DNAJC21: variants seen among roughly 807,000 people sequenced by gnomAD.
DNAJC21 encodes the protein dnaJ homolog subfamily C member 21.
Under a neutral mutation model 72.4 loss-of-function variants are expected in DNAJC21, and 63 were observed. The ratio of observed to expected loss-of-function variants is 0.87; its 90% CI spans 0.71 to 1.07. The LOEUF (loss-of-function observed/expected upper bound fraction) is 1.07, where lower values mean the gene tolerates loss of function less well. DNAJC21 is among the 50% of genes least tolerant of loss of function. The pLI, the probability that DNAJC21 is intolerant of heterozygous loss-of-function variation, is 0.00. For synonymous variants in DNAJC21, 203 were observed against 216.7 expected (o/e 0.94, Z 0.56); for missense variants, 634 against 644.8 (o/e 0.98, Z 0.18).
At chr5:34,954,304 T>C (rs1047888678) in intron 11 of DNAJC21, 8 of 489,368 alleles carry the variant, frequency 1.6e-5, no homozygotes, top group Non-Finnish European at 2.8e-5. Context: ...AAGCATAAAC[T>C]CTTCCTCTTT....
chr5:34,933,082 A>G (rs1394543635), intron 1 of DNAJC21, among the ~76,000 whole-genome samples: 99 of 152,230 alleles, frequency 6.5e-4, no homozygotes, highest in Non-Finnish European at 1.3e-4. Flanking sequence ...TAATTAGTGT[A>G]TATTTTTTAA....
At chr5:34,945,835 G>A (rs769470302) in intron 9 of DNAJC21, 32 bp downstream of exon 9, 3 of 1,494,458 alleles carry the variant, frequency 2.0e-6, no homozygotes, top group South Asian at 1.2e-5. Flanking sequence ...AACATTAAAT[G>A]CCAACGATAA....
In DNAJC21 at chr5:34,955,262, AT is replaced by A. The variant is rs2112110824; in HGVS notation, c.*551del. ...AGTGATAGGTAGAAACTAATTGAAC[AT>A]TTGGTAGTCTTTCAAGAATAGTGTC... On this transcript the variant is annotated 3_prime_UTR_variant, in exon 12 of 12. Coordinates refer to ENST00000648817, the MANE Select transcript of DNAJC21 (RefSeq NM_001012339.3). The A allele has an allele frequency of 6.6e-6, 1 of 152,314 alleles. No homozygotes were observed. The highest frequency in any genetic ancestry group is 2.4e-5 in the African/African-American group (1 of 41,574). The allele number at this position is 152,314 out of a possible 1,614,324, so 9.4% of individuals were successfully genotyped here. A position where few individuals can be genotyped will look rare whatever the true frequency, so the allele number is the denominator to read the frequency against.
intron 10 of DNAJC21, chr5:34,952,203 G>T: frequency 3.0e-6 from 3 of 985,178 alleles, no homozygotes; most frequent in Non-Finnish European, 3.6e-6. Context: ...AGATGTAACT[G>T]TCTTTCATAA....
At chr5:34,939,087 C>T in intron 6 of DNAJC21, 78 bp downstream of exon 6, 1 of 1,303,124 alleles carries the variant, frequency 7.7e-7, no homozygotes, top group Non-Finnish European at 1.0e-6. Flanking sequence ...TTGACATCTC[C>T]CAATTTTTAA....
chr5:34,935,300 T>A (rs1273398548), intron 2 of DNAJC21, among the ~76,000 whole-genome samples: 1 of 152,222 alleles, frequency 6.6e-6, no homozygotes, highest in Non-Finnish European at 1.5e-5. Flanking sequence ...CTAGATTAAG[T>A]TGACATAAAT....
rs1764517056 is a variant in DNAJC21 at position 34,929,810 on chromosome 5, C to G, written c.-10C>G. Reference sequence around the variant, plus strand: ...CGGGCCCCAGCGCCGGCCGCCCGCCCGGTCGGGCGATGAAGTGTCACTATG... The same window carrying G: ...CGGGCCCCAGCGCCGGCCGCCCGCCGGGTCGGGCGATGAAGTGTCACTATG... On this transcript the variant is annotated 5_prime_UTR_variant, in exon 1 of 12. Transcript: ENST00000648817. 1.4e-6 allele frequency: 2 copies of G among 1,438,416 alleles called. No homozygotes were observed. The highest frequency in any genetic ancestry group is 1.8e-6 in the Non-Finnish European group (2 of 1,082,776). The allele number at this position is 1,438,416 out of a possible 1,614,324, so 89.1% of individuals were successfully genotyped here.
chr5:34,954,450 T>C, intron 11 of DNAJC21, 103 bp from the exon 12 acceptor site: 1 of 1,378,744 alleles, frequency 7.3e-7, no homozygotes, highest in Non-Finnish European at 9.7e-7. Context: ...TTAAAACATC[T>C]TTATTTTACA....
Position 34,939,035 on chromosome 5 carries a change from C to G in DNAJC21, c.895+26C>G, listed in dbSNP as rs182925611. Reference sequence around the variant, plus strand: ...GTAATATTATTTTTATTTTATTTATCTTTTTTGTTTTTTAAGTGAAGCTGG... The same window carrying G: ...GTAATATTATTTTTATTTTATTTATGTTTTTTGTTTTTTAAGTGAAGCTGG... On this transcript the variant is annotated intron_variant, in intron 6 of 11. Transcript: ENST00000648817. The G allele has an allele frequency of 4.9e-4, 730 of 1,477,272 alleles. 5 individuals carry two copies. In the African/African-American group the frequency reaches 6.3e-3, roughly 13 times the overall value. 91.5% of individuals were successfully genotyped at this position (1,477,272 alleles called of 1,614,324 possible).
intron 10 of DNAJC21, chr5:34,950,761 T>C: frequency 3.0e-6 from 3 of 988,220 alleles, no homozygotes; most frequent in Non-Finnish European, 3.6e-6. Context: ...TGAGGACACA[T>C]GGCAGCAGCT....
intron 11 of DNAJC21, 98 bp downstream of exon 11, chr5:34,954,099 C>T: frequency 9.3e-7 from 1 of 1,073,290 alleles, no homozygotes; most frequent in Non-Finnish European, 1.3e-6. Flanking sequence ...AGCCATTCCG[C>T]AAAGAGCCTG....
At chr5:34,941,211 A>C (rs1207750421) in intron 7 of DNAJC21, 28 bp downstream of exon 7, 1 of 1,598,026 alleles carries the variant, frequency 6.3e-7, no homozygotes, top group South Asian at 1.1e-5. Context: ...ATTTAATTTA[A>C]TTTTGAGACA....
intron 2 of DNAJC21, 43 bp from the exon 3 acceptor site, chr5:34,935,667 T>C (rs1764743787): frequency 6.2e-7 from 1 of 1,609,598 alleles, no homozygotes; most frequent in African/African-American, 1.3e-5. Context: ...TTTGAATTCT[T>C]ACTTATTCAG....
chr5:34,929,590 G>T lies in DNAJC21; in HGVS notation c.-230G>T, dbSNP rs1764501429. The stretch of plus-strand genomic sequence containing the variant: ...AGCGGCGGCCGCCGGCACCGCCCCC[G>T]CCGCGCTCCCGCTTGCCGCAGCCTG... On this transcript the variant is annotated 5_prime_UTR_variant, in exon 1 of 12. Transcript: ENST00000648817. 1 of 148,840 alleles carries T rather than the reference G, an allele frequency of 6.7e-6. No individual in the cohort carries two copies. Among genetic ancestry groups the T allele is most frequent in the Non-Finnish European group, 1.5e-5 (1 of 68,062 alleles). The allele number at this position is 148,840 out of a possible 1,614,324, so 9.2% of individuals were successfully genotyped here.
At position 34,945,766 on chromosome 5, in the gene DNAJC21, C is replaced by G; in HGVS notation, c.1148C>G (p.Ser383Cys). Reference sequence around the variant, plus strand: ...CGATTTATATTTGCTCTTAGGCTTTCTAAAAAACAGAAGAAAAAGAAACAG... The same window carrying G: ...CGATTTATATTTGCTCTTAGGCTTTGTAAAAAACAGAAGAAAAAGAAACAG... ...EMEDAPKQKL[S>C]KKQKKKKQKP... Residue 383 changes from serine (S) to cysteine (C), a missense_variant, in exon 9 of 12, where the codon TCT becomes TGT. By Grantham distance (112) the Ser-to-Cys change is moderately radical (BLOSUM62 -1). Coordinates refer to ENST00000648817, the MANE Select transcript of DNAJC21 (RefSeq NM_001012339.3). The G allele has an allele frequency of 6.3e-7, 1 of 1,590,956 alleles. No homozygotes were observed. Among genetic ancestry groups the G allele is most frequent in the Non-Finnish European group, 8.5e-7 (1 of 1,171,250 alleles).
rs1401261082 is a variant in DNAJC21 at position 34,937,313 on chromosome 5, T to A, written c.439-13T>A. On this transcript the variant is annotated splice_polypyrimidine_tract_variant and intron_variant, in intron 4 of 11. Transcript: ENST00000648817. ...TTAAAGCGCAGAAGTTAATCTGTTTTCTTTGTCACTAGGTAGTCCATCCTT... is the reference window on the plus strand; with the variant it reads ...TTAAAGCGCAGAAGTTAATCTGTTTACTTTGTCACTAGGTAGTCCATCCTT... 1.3e-6 allele frequency: 2 copies of A among 1,577,760 alleles called. No homozygotes were observed. The highest frequency in any genetic ancestry group is 1.7e-6 in the Non-Finnish European group (2 of 1,166,030).
chr5:34,941,236 C>A (rs1428062433), intron 7 of DNAJC21, 53 bp downstream of exon 7: 10 of 1,531,040 alleles, frequency 6.5e-6, no homozygotes, highest in Non-Finnish European at 9.0e-6. Flanking sequence ...CTCACTCTGT[C>A]ACCAAGGCAG....
rs1005478215 is a variant in DNAJC21, at chr5:34,955,695, C to T, written c.*981C>T. The T allele has an allele frequency of 3.3e-5, 5 of 151,838 alleles. No individual in the cohort carries two copies. The highest frequency in any genetic ancestry group is 1.9e-4 in the East Asian group (1 of 5,174). The allele number at this position is 151,838 out of a possible 1,614,324, so 9.4% of individuals were successfully genotyped here. ...TGTTATAACTGAGTGTTAGAACAGTCGTGTACATTGATCAGTATTGAGTCC... is the reference window on the plus strand; with the variant it reads ...TGTTATAACTGAGTGTTAGAACAGTTGTGTACATTGATCAGTATTGAGTCC... On this transcript the variant is annotated 3_prime_UTR_variant, in exon 12 of 12. Transcript: ENST00000648817.
intron 3 of DNAJC21, 86 bp downstream of exon 3, chr5:34,935,919 A>G (rs1424399408): frequency 2.6e-6 from 4 of 1,564,170 alleles, no homozygotes; most frequent in Non-Finnish European, 3.5e-6. Context: ...ACTATTCTGT[A>G]ATAGAAAGTG....
Sources: allele counts gnomAD v4.1 joint callset (sites outside exome capture counted in the v4.1 genomes callset), GRCh38; gene constraint gnomAD v4.1.1; transcripts MANE v1.5; gene names NCBI Gene and HGNC (gene_info 2026-07-23, HGNC 2026-07-21).